The following ASXL2 variants were observed in gnomAD, a reference collection of about 807,000 sequenced individuals.
The protein encoded by ASXL2 is ASXL transcriptional regulator 2.
ASXL2 carries 23 observed loss-of-function variants against 122.0 expected under a neutral mutation model. The observed-to-expected ratio is 0.19, with a 90% CI of 0.14 to 0.27. ASXL2 has a LOEUF of 0.27. Among genes scored for constraint, ASXL2 ranks in the 10% least tolerant of loss-of-function variants. The probability of loss-of-function intolerance (pLI) is 1.00; values close to 1 mark genes in which losing one functional copy is unlikely to be tolerated. For synonymous variants in ASXL2, 650 were observed against 637.0 expected, an observed-to-expected ratio of 1.02 and a Z score of -0.31; for missense variants, 1,518 against 1,713.8, an observed-to-expected ratio of 0.89 and a Z score of 2.02.
chr2:25,798,424 T>G (rs1303612057), intron 5 of ASXL2, among the ~76,000 whole-genome samples: 1 of 152,202 alleles, frequency 6.6e-6, no homozygotes, highest in East Asian at 1.9e-4. Flanking sequence ...AGGTTCCAAC[T>G]ATATGACATT....
intron 1 of ASXL2, among the ~76,000 whole-genome samples, chr2:25,860,363 G>C (rs1479547063): frequency 6.6e-6 from 1 of 151,860 alleles, no homozygotes; most frequent in Non-Finnish European, 1.5e-5. Context: ...ATCAAAGCTT[G>C]TGGGATATAG....
At chr2:25,787,147 G>A (rs2088761105) in intron 5 of ASXL2, among the ~76,000 whole-genome samples, 1 of 152,210 alleles carries the variant, frequency 6.6e-6, no homozygotes, top group South Asian at 2.1e-4. Context: ...GGCCCCGAGT[G>A]CTGTTGTGTA....
intron 5 of ASXL2, among the ~76,000 whole-genome samples, chr2:25,789,402 T>C (rs756124859): frequency 6.6e-6 from 1 of 152,172 alleles, no homozygotes; most frequent in Non-Finnish European, 1.5e-5. Context: ...ATTATTCTGT[T>C]CTAGACATGT....
At chr2:25,837,578 ACTGTGGCTCACAT>A (rs2089526384) in intron 2 of ASXL2, among the ~76,000 whole-genome samples, 1 of 152,162 alleles carries the variant, frequency 6.6e-6, no homozygotes. Flanking sequence ...CAGGCCAGGT[ACTGTGGCTCACAT>A]CTGTAATCCC....
At chr2:25,761,135 A>G (rs976076633) in intron 8 of ASXL2, among the ~76,000 whole-genome samples, 1 of 152,210 alleles carries the variant, frequency 6.6e-6, no homozygotes, top group Non-Finnish European at 1.5e-5. Context: ...AGGGTCTAAC[A>G]AATACCTGAC....
At position 25,743,977 on chromosome 2, in the gene ASXL2, C is replaced by T. The variant is rs1363886064; in HGVS notation, c.2360G>A (p.Gly787Glu). Reference protein sequence around the residue: ...PPVPPTPAVSGACTSVPSPAH... With the variant: ...PPVPPTPAVSEACTSVPSPAH... ...TGGTGATGGGACACTTGTGCATGCT[C>T]CACTGACGGCAGGTGTTGGAGGCAC... The change falls in exon 13 of 13, where the codon GGA becomes GAA. Residue 787 changes from glycine to glutamate, a missense_variant. Around this residue, in one of 8 missense-constraint regions of ASXL2, gnomAD observed 831 missense variants for 833.1 expected, o/e 1.00. Coordinates refer to ENST00000435504, the MANE Select transcript of ASXL2 (RefSeq NM_018263.6). 6.2e-7 allele frequency: 1 copy of T among 1,613,956 alleles called. No individual in the cohort carries two copies. Among genetic ancestry groups the T allele is most frequent in the Admixed American group, 1.7e-5 (1 of 60,018 alleles).
intron 1 of ASXL2, among the ~76,000 whole-genome samples, chr2:25,863,564 G>A (rs1029459951): frequency 2.6e-5 from 4 of 151,408 alleles, no homozygotes; most frequent in African/African-American, 7.3e-5. Flanking sequence ...GTGGTGGCAG[G>A]CACCTGTAGT....
intron 3 of ASXL2, among the ~76,000 whole-genome samples, chr2:25,827,524 C>A (rs1407163805): frequency 6.6e-6 from 1 of 152,158 alleles, no homozygotes; most frequent in Non-Finnish European, 1.5e-5. Context: ...ACCTGCAATT[C>A]CACCATGATT....
chr2:25,747,186 A>G (rs2087956422), intron 12 of ASXL2, among the ~76,000 whole-genome samples: 1 of 152,236 alleles, frequency 6.6e-6, no homozygotes. Context: ...AGGATGTGGA[A>G]CTTGCTGATA....
chr2:25,759,791 ATTTTC>A, intron 8 of ASXL2, 146 bp from the exon 9 acceptor site: 1 of 822,576 alleles, frequency 1.2e-6, no homozygotes, highest in Non-Finnish European at 1.8e-6. Context: ...AGATCTTAGA[ATTTTC>A]TTCTAAGACT....
chr2:25,842,721 TAG>T (rs1217727749), intron 2 of ASXL2, among the ~76,000 whole-genome samples: 3 of 151,292 alleles, frequency 2.0e-5, no homozygotes, highest in East Asian at 1.9e-4. Context: ...GATAGATAGA[TAG>T]ATGTATATAT....
At chr2:25,854,684 T>C (rs2089755821) in intron 1 of ASXL2, among the ~76,000 whole-genome samples, 1 of 152,134 alleles carries the variant, frequency 6.6e-6, no homozygotes, top group African/African-American at 2.4e-5. Flanking sequence ...AAAAGAGAAA[T>C]AGGGGCTTAG....
At chr2:25,756,465 G>C (rs201681680) in intron 9 of ASXL2, among the ~76,000 whole-genome samples, 2 of 91,434 alleles carry the variant, frequency 2.2e-5, no homozygotes, top group Non-Finnish European at 2.3e-5. Context: ...AAAAAAAAAA[G>C]AAAAAAAAAA....
At chr2:25,800,959 C>T in intron 4 of ASXL2, among the ~76,000 whole-genome samples, 1 of 152,216 alleles carries the variant, frequency 6.6e-6, no homozygotes, top group East Asian at 1.9e-4. Context: ...CAGGGTCTCA[C>T]TCTGTCACCC....
intron 9 of ASXL2, among the ~76,000 whole-genome samples, chr2:25,757,203 A>C (rs1028608707): frequency 6.6e-6 from 1 of 151,910 alleles, no homozygotes; most frequent in Non-Finnish European, 1.5e-5. Context: ...TTCTTTAAAC[A>C]CTCTAAATTT....
chr2:25,874,856 G>A (rs1349678895), intron 1 of ASXL2, among the ~76,000 whole-genome samples: 2 of 152,074 alleles, frequency 1.3e-5, no homozygotes, highest in African/African-American at 2.4e-5. Flanking sequence ...GAGGCAGGAG[G>A]ATCACTTGAG....
intron 5 of ASXL2, among the ~76,000 whole-genome samples, chr2:25,776,569 T>C (rs1423363011): frequency 1.3e-5 from 2 of 152,204 alleles, no homozygotes; most frequent in Non-Finnish European, 2.9e-5. Flanking sequence ...ACTTGAGGAA[T>C]TGCCAAGCTG....
intron 3 of ASXL2, among the ~76,000 whole-genome samples, chr2:25,821,201 T>A (rs1270789378): frequency 6.6e-6 from 1 of 151,256 alleles, no homozygotes; most frequent in Non-Finnish European, 1.5e-5. Context: ...ATCAAAAAAA[T>A]AAATAAATAG....
At chr2:25,825,273 GC>G (rs1277117471) in intron 3 of ASXL2, among the ~76,000 whole-genome samples, 3 of 152,028 alleles carry the variant, frequency 2.0e-5, no homozygotes, top group Non-Finnish European at 4.4e-5. Context: ...ATTAAATTGT[GC>G]CCCATTCAAA....
Sources: gnomAD v4.1 joint callset for allele counts (sites outside exome capture counted in the v4.1 genomes callset) on GRCh38, gnomAD v4.1.1 for gene constraint, gnomAD v4.1.1 regional missense constraint, MANE v1.5 for transcripts, NCBI Gene and HGNC (gene_info 2026-07-23, HGNC 2026-07-21) for gene names.